The following RCOR3 variants were observed in gnomAD, a reference collection of about 807,000 sequenced individuals.
RCOR3 encodes the protein REST corepressor 3.
RCOR3 carries 13 observed loss-of-function variants against 64.1 expected under a neutral mutation model. The ratio of observed to expected loss-of-function variants is 0.20; its 90% CI spans 0.13 to 0.32. The LOEUF is 0.32. RCOR3 is among the 10% of genes least tolerant of loss of function. The pLI is 1.00. For synonymous variants in RCOR3, 215 were observed against 239.0 expected, an observed-to-expected ratio of 0.90 and a Z score of 0.93; for missense variants, 489 against 701.2, an observed-to-expected ratio of 0.70 and a Z score of 3.42.
chr1:211,290,972 G>T (rs535181833), intron 8 of RCOR3, among the ~76,000 whole-genome samples: 48 of 146,578 alleles, frequency 3.3e-4, no homozygotes, highest in African/African-American at 1.0e-3. Context: ...TGTTTGTTTG[G>T]TTTTTTTTTT....
chr1:211,286,458 C>G (rs1698555921), intron 7 of RCOR3, among the ~76,000 whole-genome samples: 1 of 152,034 alleles, frequency 6.6e-6, no homozygotes, highest in Non-Finnish European at 1.5e-5. Context: ...CAGGCGCATG[C>G]CACCATGCTC....
At position 211,271,219 on chromosome 1, in the gene RCOR3, C is replaced by G. The variant is rs200745022; in HGVS notation, c.224-13C>G. The G allele has an allele frequency of 1.2e-6, 2 of 1,606,940 alleles. No individual in the cohort carries two copies. Among genetic ancestry groups the G allele is most frequent in the African/African-American group, 1.3e-5 (1 of 74,776 alleles). ...AATCCATCATATTCAAAGTAATTAT[C>G]TTTTTCCCCCAGGTGCTACAAAGTA... On this transcript the variant is annotated splice_polypyrimidine_tract_variant and intron_variant, in intron 2 of 11. Coordinates refer to ENST00000419091, the MANE Select transcript of RCOR3 (RefSeq NM_001136223.3).
chr1:211,295,303 ATG>A (rs1168511348), intron 8 of RCOR3, among the ~76,000 whole-genome samples: 1 of 152,188 alleles, frequency 6.6e-6, no homozygotes, highest in East Asian at 1.9e-4. Context: ...TATCTAATAA[ATG>A]TTAGCTACCA....
At position 211,313,209 on chromosome 1, in the gene RCOR3, C is replaced by T; in HGVS notation, c.1318-215C>T. ...TTTATTTTCAGTGTTAAGCTGTTTA[C>T]AAATAAAGATGCCTGTTTGGTAGCC... On this transcript the variant is annotated intron_variant, in intron 11 of 11. Transcript: ENST00000419091. The surrounding 1 kb of genome is among the most constrained non-coding windows in gnomAD (Gnocchi z 4.7). 1 of 1,430,606 alleles carries T rather than the reference C, an allele frequency of 7.0e-7. No homozygotes were observed. Among genetic ancestry groups the T allele is most frequent in the Non-Finnish European group, 9.1e-7 (1 of 1,099,152 alleles). The allele number at this position is 1,430,606 out of a possible 1,614,324, so 88.6% of individuals were successfully genotyped here. A position where few individuals can be genotyped will look rare whatever the true frequency, so the allele number is the denominator to read the frequency against.
chr1:211,313,765 C>T lies in RCOR3; in HGVS notation c.1659C>T (p.His553=). 6.2e-7 allele frequency: 1 copy of T among 1,611,802 alleles called. No individual in the cohort carries two copies. The highest frequency in any genetic ancestry group is 8.5e-7 in the Non-Finnish European group (1 of 1,178,040). The part of the protein sequence containing the change: ...GIQTDSQSSL[H] ...AGACAGATTCACAGTCCTCACTGCA[C>T]TAAAAATTAAATTGGACACAGCTGC... The change falls in exon 12 of 12, where the codon CAC becomes CAT. Residue 553 remains histidine, a synonymous_variant. Coordinates refer to ENST00000419091, the MANE Select transcript of RCOR3 (RefSeq NM_001136223.3). This position sits in a 1 kb window ranked among gnomAD's most constrained non-coding sequence, Gnocchi z 4.7.
chr1:211,260,042 C>T (rs1693945848), intron 1 of RCOR3, 66 bp from the exon 2 acceptor site: 2 of 1,306,328 alleles, frequency 1.5e-6, no homozygotes, highest in Admixed American at 2.7e-5. Flanking sequence ...TTTTAAGTGT[C>T]TCTTCCTTTT....
intron 3 of RCOR3, among the ~76,000 whole-genome samples, chr1:211,273,176 A>G (rs1164480196): frequency 6.6e-6 from 1 of 152,226 alleles, no homozygotes; most frequent in Admixed American, 6.5e-5. Context: ...TGAAGACTAT[A>G]CTGACTAATA....
At chr1:211,262,672 T>C (rs906967164) in intron 2 of RCOR3, among the ~76,000 whole-genome samples, 2 of 152,192 alleles carry the variant, frequency 1.3e-5, no homozygotes, top group African/African-American at 4.8e-5. Flanking sequence ...GGAACAAACT[T>C]GTACATGCCA....
intron 2 of RCOR3, among the ~76,000 whole-genome samples, chr1:211,269,217 A>G (rs1695745422): frequency 6.6e-6 from 1 of 152,202 alleles, no homozygotes. Context: ...TCATCCCAGC[A>G]CTTTGGGAGG....
intron 7 of RCOR3, 28 bp downstream of exon 7, chr1:211,279,344 G>GATCATC: frequency 6.7e-7 from 1 of 1,485,368 alleles, no homozygotes; most frequent in Non-Finnish European, 9.4e-7. Flanking sequence ...AAGTACTTGT[G>GATCATC]ATTGTTCTAC....
intron 4 of RCOR3, among the ~76,000 whole-genome samples, chr1:211,274,926 T>G (rs1372721513): frequency 6.6e-6 from 1 of 151,768 alleles, no homozygotes; most frequent in Non-Finnish European, 1.5e-5. Context: ...ATACAAAATA[T>G]AGTAATGTCA....
intron 3 of RCOR3, chr1:211,271,585 CAG>C: frequency 1.9e-6 from 1 of 530,514 alleles, no homozygotes; most frequent in Non-Finnish European, 3.6e-6. Flanking sequence ...AATCCTCAAG[CAG>C]GGGAGGGAGT....
intron 2 of RCOR3, among the ~76,000 whole-genome samples, chr1:211,262,367 A>T (rs183656654): frequency 6.6e-6 from 1 of 152,260 alleles, no homozygotes; most frequent in Admixed American, 6.5e-5. Flanking sequence ...GCCAGGATTA[A>T]ATGATGGGCA....
At chr1:211,278,617 C>G (rs1697341635) in intron 6 of RCOR3, among the ~76,000 whole-genome samples, 2 of 152,104 alleles carry the variant, frequency 1.3e-5, no homozygotes, top group Admixed American at 1.3e-4. Context: ...TCTTTATTCT[C>G]CAATGAAATT....
chr1:211,269,597 CAAAA>C (rs542859850), intron 2 of RCOR3, among the ~76,000 whole-genome samples: 1 of 144,768 alleles, frequency 6.9e-6, no homozygotes, highest in African/African-American at 2.5e-5. Flanking sequence ...AACTTCATCT[CAAAA>C]AAAAAAGTGG....
chr1:211,280,106 A>G (rs748550426), intron 7 of RCOR3, among the ~76,000 whole-genome samples: 4 of 152,236 alleles, frequency 2.6e-5, no homozygotes, highest in Non-Finnish European at 5.9e-5. Context: ...CACTTTTTAT[A>G]GTACCCAGGA....
At chr1:211,289,475 A>T (rs1389496840) in intron 8 of RCOR3, 79 bp downstream of exon 8, 2 of 1,145,416 alleles carry the variant, frequency 1.7e-6, no homozygotes, top group Non-Finnish European at 2.5e-6. Flanking sequence ...GGTTGAGCTC[A>T]GTTGTTTGCA....
At position 211,290,523 on chromosome 1, in the gene RCOR3, CT is replaced by C. The variant is rs1004967232; in HGVS notation, c.939+1134del. On this transcript the variant is annotated intron_variant, in intron 8 of 11. Coordinates refer to ENST00000419091, the MANE Select transcript of RCOR3 (RefSeq NM_001136223.3). ...CCTGACAATAACTATCTTGTGGATT[CT>C]TTTTTTCTCCTCATTTTTTTTATTT... Among the ~76,000 whole-genome samples, 48 of 152,166 alleles carry C rather than the reference CT, an allele frequency of 3.2e-4. 1 individual carries two copies. The highest frequency in any genetic ancestry group is 1.1e-3 in the African/African-American group (45 of 41,518).
intron 2 of RCOR3, among the ~76,000 whole-genome samples, chr1:211,262,294 C>T (rs976514768): frequency 3.3e-5 from 5 of 151,928 alleles, no homozygotes; most frequent in Admixed American, 6.6e-5. Flanking sequence ...CTCGACCTCC[C>T]AAAGTGTTGG....
Sources: allele counts gnomAD v4.1 joint callset (sites outside exome capture counted in the v4.1 genomes callset), GRCh38; gene constraint gnomAD v4.1.1; non-coding constraint Gnocchi (gnomAD v3.1); transcripts MANE v1.5; gene names NCBI Gene and HGNC (gene_info 2026-07-23, HGNC 2026-07-21).